SYT3: variants seen among roughly 807,000 people sequenced by gnomAD.
SYT3 encodes the protein synaptotagmin 3.
A neutral mutation model predicts 50.6 loss-of-function variants in SYT3; 25 were observed. The observed-to-expected ratio is 0.49, with a 90% confidence interval of 0.36 to 0.69. The LOEUF (loss-of-function observed/expected upper bound fraction) is 0.69, where lower values mean the gene tolerates loss of function less well. Among genes scored for constraint, SYT3 ranks in the 30% least tolerant of loss-of-function variants. SYT3 has a pLI of 0.00. For synonymous variants in SYT3, 323 were observed against 353.9 expected, an observed-to-expected ratio of 0.91 and a Z score of 0.98; for missense variants, 589 against 793.6, an observed-to-expected ratio of 0.74 and a Z score of 3.10.
the SYT3 span, among the ~76,000 whole-genome samples, chr19:50,647,290 C>T: frequency 5.9e-5 from 9 of 151,802 alleles, no homozygotes; most frequent in Non-Finnish European, 8.8e-5. Context: ...CTGGGAGGGC[C>T]GTGAGCAGGG....
At chr19:50,657,751 G>T in the SYT3 span, among the ~76,000 whole-genome samples, 1 of 152,218 alleles carries the variant, frequency 6.6e-6, no homozygotes, top group Admixed American at 6.5e-5. Context: ...GGCTTGGTGA[G>T]AATTGATTTT....
chr19:50,645,652 G>A, the SYT3 span, among the ~76,000 whole-genome samples: 29 of 152,292 alleles, frequency 1.9e-4, no homozygotes, highest in African/African-American at 7.0e-4. Flanking sequence ...GCTGAGGCAG[G>A]CAGATAGCTT....
chr19:50,622,832 A>C, intron 9 of SYT3, 77 bp from the exon 10 acceptor site: 2 of 631,200 alleles, frequency 3.2e-6, no homozygotes, highest in South Asian at 1.8e-5. Context: ...ACAGGAGAAG[A>C]CGTCAATCCT....
In SYT3 at chr19:50,637,230, CAG is replaced by C. The variant is rs1568417349; in HGVS notation, c.148+32_148+33del. The stretch of plus-strand genomic sequence containing the variant: ...CCGAGTCTCCTGGCCATAGTGCAAG[CAG>C]GGGGCTGGCCAAGACAGGCAGGGGT... On this transcript the variant is annotated intron_variant, in intron 3 of 10. Transcript: ENST00000600079. The surrounding 1 kb of genome is among the most constrained non-coding windows in gnomAD (Gnocchi z 4.9). 2 of 1,602,794 alleles carry C rather than the reference CAG, an allele frequency of 1.2e-6. No homozygotes were observed. The highest frequency in any genetic ancestry group is 1.7e-6 in the Non-Finnish European group (2 of 1,172,414).
chr19:50,632,902 G>GCCATGCAATTGT lies in SYT3; in HGVS notation c.149-103_149-92dup. The GCCATGCAATTGT allele has an allele frequency of 8.9e-7, 1 of 1,129,208 alleles. No homozygotes were observed. Among genetic ancestry groups the GCCATGCAATTGT allele is most frequent in the Non-Finnish European group, 1.2e-6 (1 of 842,754 alleles). 69.9% of individuals were successfully genotyped at this position (1,129,208 alleles called of 1,614,324 possible). On this transcript the variant is annotated intron_variant, in intron 3 of 10. Coordinates refer to ENST00000600079, the MANE Select transcript of SYT3 (RefSeq NM_001160329.2). The surrounding 1 kb of genome is among the most constrained non-coding windows in gnomAD (Gnocchi z 4.7). ...CCCAAAGAGTTAACCCTTCATATTT[G>GCCATGCAATTGT]CCATGCAATTGTCCATGCAATTGCA... is the stretch of plus-strand genomic sequence containing the variant.
the SYT3 span, among the ~76,000 whole-genome samples, chr19:50,647,297 A>AGGGCAG: frequency 6.6e-6 from 1 of 152,004 alleles, no homozygotes; most frequent in South Asian, 2.1e-4. Context: ...GGCCGTGAGC[A>AGGGCAG]GGGCAGGGGC....
chr19:50,622,629 C>T (rs1197547801), intron 10 of SYT3, 58 bp downstream of exon 10: 2 of 1,168,458 alleles, frequency 1.7e-6, no homozygotes, highest in South Asian at 1.2e-5. Context: ...CCAGCCCCTC[C>T]TCCCTCAGAC....
Position 50,629,397 on chromosome 19 carries a change from G to T in SYT3, c.1178C>A (p.Ser393Ter). Residue 393 changes from serine to a stop codon, truncating the protein, a stop_gained, in exon 6 of 11, where the codon TCG (serine) becomes TAG (stop). Transcript: ENST00000600079. LOFTEE classifies it high-confidence loss of function. ...CACCTGGCCGATGAGGTCGTGCCGC[G>T]AGAAGCGGTCAAAGTCATAGACGCT... ...HFSVYDFDRF[S>*]RHDLIGQVVL... is the part of the protein sequence containing the mutation. The T allele has an allele frequency of 6.2e-7, 1 of 1,613,978 alleles. No individual in the cohort carries two copies. Among genetic ancestry groups the T allele is most frequent in the Non-Finnish European group, 8.5e-7 (1 of 1,179,928 alleles).
At chr19:50,644,076 G>A (rs1815995896), upstream of SYT3, among the ~76,000 whole-genome samples, 1 of 152,228 alleles carries the variant, frequency 6.6e-6, no homozygotes, top group African/African-American at 2.4e-5. Flanking sequence ...CCCCGTAGGA[G>A]TAGCACTTTG....
upstream of SYT3, among the ~76,000 whole-genome samples, chr19:50,641,720 C>T (rs1167045436): frequency 6.6e-6 from 1 of 151,936 alleles, no homozygotes; most frequent in Non-Finnish European, 1.5e-5. Context: ...GTGATGCATG[C>T]CTGTAGTCCT....
chr19:50,655,507 G>A, the SYT3 span, among the ~76,000 whole-genome samples: 59 of 152,164 alleles, frequency 3.9e-4, no homozygotes, highest in East Asian at 9.9e-3. Flanking sequence ...AAATTAGCTG[G>A]GCGTGGTAGC....
In SYT3 at chr19:50,632,278, T is replaced by C. The variant is rs1261475035; in HGVS notation, c.674+8A>G. The C allele has an allele frequency of 6.4e-7, 1 of 1,555,142 alleles. No homozygotes were observed. Among genetic ancestry groups the C allele is most frequent in the Non-Finnish European group, 8.7e-7 (1 of 1,144,970 alleles). ...AGAGTGGACCCCCAACCCAGTATCCTCTCTCACCTGGTAGTGGGTGCCAGG... is the reference window on the plus strand; with the variant it reads ...AGAGTGGACCCCCAACCCAGTATCCCCTCTCACCTGGTAGTGGGTGCCAGG... On this transcript the variant is annotated splice_region_variant and intron_variant, in intron 4 of 10. Transcript: ENST00000600079. The surrounding 1 kb of genome is among the most constrained non-coding windows in gnomAD (Gnocchi z 4.7).
At chr19:50,626,506 G>GT (rs1447373129) in intron 6 of SYT3, among the ~76,000 whole-genome samples, 3 of 139,800 alleles carry the variant, frequency 2.1e-5, no homozygotes, top group Non-Finnish European at 3.1e-5. Flanking sequence ...GAGAGAGAGG[G>GT]GGGGGGACAG....
At chr19:50,624,679 A>G (rs979635927) in intron 9 of SYT3, among the ~76,000 whole-genome samples, 4 of 151,988 alleles carry the variant, frequency 2.6e-5, no homozygotes, top group Non-Finnish European at 5.9e-5. Context: ...CAGCCTCCCA[A>G]GTAGCTGGGA....
chr19:50,631,159 CTTTCTTTCTTTT>C (rs1984287284), intron 4 of SYT3, among the ~76,000 whole-genome samples: 1 of 71,362 alleles, frequency 1.4e-5, no homozygotes. Flanking sequence ...TTTCTTTTTT[CTTTCTTTCTTTT>C]TTTTTTTTTT....
At chr19:50,652,006 C>A in the SYT3 span, among the ~76,000 whole-genome samples, 1 of 151,990 alleles carries the variant, frequency 6.6e-6, no homozygotes, top group African/African-American at 2.4e-5. Context: ...TGTGTTGAGA[C>A]AGGGACTCAC....
Position 50,625,967 on chromosome 19 carries a change from C to T in SYT3, c.1332G>A (p.Thr444=). ...ELNFSLCYLP[T]AGRLTVTIIK... is the part of the protein sequence containing the mutation. ...TGATGGTCACGGTGAGGCGCCCGGC[C>T]GTGGGGAGGTAGCAGAGTGAGAAGT... The change falls in exon 7 of 11, where the codon ACG becomes ACA. Residue 444 remains threonine (T), a synonymous_variant. Transcript: ENST00000600079. This position sits in a 1 kb window ranked among gnomAD's most constrained non-coding sequence, Gnocchi z 7.5. 5.6e-6 allele frequency: 9 copies of T among 1,614,060 alleles called. No homozygotes were observed. The highest frequency in any genetic ancestry group is 1.1e-5 in the South Asian group (1 of 91,062).
the SYT3 span, chr19:50,657,983 C>G: frequency 6.6e-6 from 10 of 1,524,032 alleles, no homozygotes; most frequent in Non-Finnish European, 8.8e-6. Flanking sequence ...TCTCCGACAC[C>G]CGCAGCCCGA....
At chr19:50,653,024 T>A in the SYT3 span, among the ~76,000 whole-genome samples, 1 of 152,118 alleles carries the variant, frequency 6.6e-6, no homozygotes, top group South Asian at 2.1e-4. Context: ...CAATGGAAAG[T>A]ATTTTATTCT....
Sources: gnomAD v4.1 joint callset for allele counts (sites outside exome capture counted in the v4.1 genomes callset) on GRCh38, gnomAD v4.1.1 for gene constraint, Gnocchi (gnomAD v3.1) non-coding constraint, MANE v1.5 for transcripts, NCBI Gene and HGNC (gene_info 2026-07-23, HGNC 2026-07-21) for gene names.